SH3BP4: variants seen among roughly 807,000 people sequenced by gnomAD.
The protein encoded by SH3BP4 is SH3 domain-binding protein 4.
A neutral mutation model predicts 65.5 loss-of-function variants in SH3BP4; 33 were observed. That is an observed-to-expected ratio of 0.50 (90% CI 0.38 to 0.67). The LOEUF (loss-of-function observed/expected upper bound fraction) is 0.67, where lower values mean the gene tolerates loss of function less well. Ranked by LOEUF, SH3BP4 falls within the 30% of genes least tolerant of loss-of-function variation. The probability of loss-of-function intolerance (pLI) is 0.00; values close to 1 mark genes in which losing one functional copy is unlikely to be tolerated. For missense variants in SH3BP4, 1,134 were observed against 1,261.4 expected, an observed-to-expected ratio of 0.90 and a Z score of 1.53; for synonymous variants, 552 against 545.5, an observed-to-expected ratio of 1.01 and a Z score of -0.17.
rs1460272465 is a variant in SH3BP4 at position 235,043,226 on chromosome 2, C to T, written c.2457C>T (p.Ser819=). 1 of 1,578,566 alleles carries T rather than the reference C, an allele frequency of 6.3e-7. No individual in the cohort carries two copies. The highest frequency in any genetic ancestry group is 1.3e-5 in the African/African-American group (1 of 74,158). Residue 819 remains serine, a synonymous_variant, in exon 4 of 6, where the codon TCC becomes TCT. Coordinates refer to ENST00000392011, the MANE Select transcript of SH3BP4 (RefSeq NM_014521.3). ...ACACTGAGAACAAAGAACGGAAGTC[C>T]TTCCAGAAGGAGCTTGTGATGGTGA... ...CNNTENKERK[S]FQKELVMALL...
At position 235,030,369 on chromosome 2, in the gene SH3BP4, A is replaced by T. The variant is rs139137536; in HGVS notation, c.-132-4502A>T. Among the ~76,000 whole-genome samples the T allele has an allele frequency of 6.6e-6, 1 of 152,212 alleles. No individual in the cohort carries two copies. Among genetic ancestry groups the T allele is most frequent in the African/African-American group, 2.4e-5 (1 of 41,536 alleles). ...TTACCCTGGGCAAGTTGCTTTAGTG[A>T]TCTCTCCAAGCCCGTTTTCATGGAA... On this transcript the variant is annotated intron_variant, in intron 2 of 5. Transcript: ENST00000392011. The surrounding 1 kb of genome is among the most constrained non-coding windows in gnomAD (Gnocchi z 4.1).
At chr2:235,019,060 A>AGTTCC (rs1430595503) in intron 2 of SH3BP4, among the ~76,000 whole-genome samples, 1 of 152,228 alleles carries the variant, frequency 6.6e-6, no homozygotes, top group Non-Finnish European at 1.5e-5. Flanking sequence ...GGGCAGGAAC[A>AGTTCC]GTTCCGTTGT....
intron 3 of SH3BP4, among the ~76,000 whole-genome samples, chr2:235,038,027 C>T (rs953935138): frequency 9.3e-5 from 14 of 151,126 alleles, no homozygotes; most frequent in African/African-American, 3.4e-4. Flanking sequence ...ATCATTCATT[C>T]CACAAATACT....
rs184662417 is a variant in SH3BP4, at chr2:235,009,428, G to A, written c.-133+14052G>A. ...TAAAGGAGAGTTTGGGAGAGGGGCC[G>A]TGGTGTGGTGTGCCTGGGACCCTGG... On this transcript the variant is annotated intron_variant, in intron 2 of 5. Transcript: ENST00000392011. Among the ~76,000 whole-genome samples, 29 of 152,330 alleles carry A rather than the reference G, an allele frequency of 1.9e-4. 1 individual carries two copies. Among genetic ancestry groups the A allele is most frequent in the African/African-American group, 5.1e-4 (21 of 41,574 alleles).
At chr2:235,031,925 T>G (rs1695216155) in intron 2 of SH3BP4, among the ~76,000 whole-genome samples, 1 of 152,264 alleles carries the variant, frequency 6.6e-6, no homozygotes, top group Non-Finnish European at 1.5e-5. Flanking sequence ...TGGAAGCTTT[T>G]GGGAATGCCT....
At chr2:234,984,736 A>G (rs73124245) in intron 1 of SH3BP4, among the ~76,000 whole-genome samples, 1,756 of 152,202 alleles carry the variant, frequency 0.012, 41 homozygotes, top group African/African-American at 0.037. Flanking sequence ...CAGAAAACCC[A>G]GTGGTCTAGC....
At chr2:235,023,088 C>G (rs1694893932) in intron 2 of SH3BP4, among the ~76,000 whole-genome samples, 1 of 152,148 alleles carries the variant, frequency 6.6e-6, no homozygotes, top group South Asian at 2.1e-4. Context: ...AGTTGGGAAT[C>G]CTGGAGTTAG....
At chr2:234,979,650 C>T (rs1693297677) in intron 1 of SH3BP4, 1 of 152,274 alleles carries the variant, frequency 6.6e-6, no homozygotes. Context: ...GAACTTCTTC[C>T]TTGACAACAG....
intron 4 of SH3BP4, among the ~76,000 whole-genome samples, chr2:235,048,204 A>G (rs930830465): frequency 1.3e-5 from 2 of 152,184 alleles, no homozygotes; most frequent in African/African-American, 4.8e-5. Context: ...GGATGGGCCC[A>G]TTGTCCAGAT....
At position 235,035,348 on chromosome 2, in the gene SH3BP4, T is replaced by G. The variant is rs1181511084; in HGVS notation, c.118+228T>G. Among the ~76,000 whole-genome samples, 2 of 152,222 alleles carry G rather than the reference T, an allele frequency of 1.3e-5. No homozygotes were observed. Among genetic ancestry groups the G allele is most frequent in the Non-Finnish European group, 2.9e-5 (2 of 68,040 alleles). On this transcript the variant is annotated intron_variant, in intron 3 of 5. Coordinates refer to ENST00000392011, the MANE Select transcript of SH3BP4 (RefSeq NM_014521.3). This position sits in a 1 kb window ranked among gnomAD's most constrained non-coding sequence, Gnocchi z 5.0. ...AACCCCTTCTTAATACAGGGTATGT[T>G]TCTTTTTACTTGATAAAATTCGGTG...
At chr2:234,953,489 G>A (rs1242259636) in intron 1 of SH3BP4, among the ~76,000 whole-genome samples, 1 of 152,160 alleles carries the variant, frequency 6.6e-6, no homozygotes, top group East Asian at 1.9e-4. Context: ...AGTGGGCTGG[G>A]GGCTTTCCTT....
chr2:235,008,798 G>GAAGATCTCCA, intron 2 of SH3BP4, among the ~76,000 whole-genome samples: 1 of 152,352 alleles, frequency 6.6e-6, no homozygotes, highest in African/African-American at 2.4e-5. Flanking sequence ...GCTTGTAGCA[G>GAAGATCTCCA]AGGCCCTACT....
intron 1 of SH3BP4, among the ~76,000 whole-genome samples, chr2:234,992,783 AT>A (rs1693790302): frequency 6.9e-6 from 1 of 143,934 alleles, no homozygotes; most frequent in African/African-American, 2.7e-5. Context: ...GCACCTGGAG[AT>A]GGACACATTC....
chr2:234,955,772 C>G (rs1025264438), intron 1 of SH3BP4, among the ~76,000 whole-genome samples: 1 of 152,134 alleles, frequency 6.6e-6, no homozygotes, highest in Non-Finnish European at 1.5e-5. Flanking sequence ...AAATAGGTAC[C>G]ACTCGTTGAG....
At chr2:234,957,635 A>G (rs1405112095) in intron 1 of SH3BP4, among the ~76,000 whole-genome samples, 7 of 151,710 alleles carry the variant, frequency 4.6e-5, no homozygotes, top group Admixed American at 3.3e-4. Context: ...AAAAACAACA[A>G]TCCATGTTCC....
At chr2:234,979,513 C>G (rs1693287216) in intron 1 of SH3BP4, 1 of 152,266 alleles carries the variant, frequency 6.6e-6, no homozygotes, top group African/African-American at 2.4e-5. Context: ...TCCACACCTC[C>G]TGGTGTTCAC....
In SH3BP4 at chr2:235,035,207, T is replaced by C. The variant is rs1574838177; in HGVS notation, c.118+87T>C. 7.3e-6 allele frequency: 7 copies of C among 956,988 alleles called. No individual in the cohort carries two copies. The highest frequency in any genetic ancestry group is 2.1e-4 in the Middle Eastern group (1 of 4,814). The allele number at this position is 956,988 out of a possible 1,614,324, so 59.3% of individuals were successfully genotyped here. Reference sequence around the variant, plus strand: ...CCAAGAACTTTTCTGCTTTAAAGATTGCCAGTTTAGCATTCAGATAGTTAA... The same window carrying C: ...CCAAGAACTTTTCTGCTTTAAAGATCGCCAGTTTAGCATTCAGATAGTTAA... On this transcript the variant is annotated intron_variant, in intron 3 of 5. Transcript: ENST00000392011. This position sits in a 1 kb window ranked among gnomAD's most constrained non-coding sequence, Gnocchi z 5.0.
Position 235,038,390 on chromosome 2 carries a change from T to TA in SH3BP4, c.119-2497dup, listed in dbSNP as rs1376567388. On this transcript the variant is annotated intron_variant, in intron 3 of 5. Coordinates refer to ENST00000392011, the MANE Select transcript of SH3BP4 (RefSeq NM_014521.3). The stretch of plus-strand genomic sequence containing the variant: ...TAATATATATACATATATATATATA[T>TA]ATATATATATATATATATATATATA... Among the ~76,000 whole-genome samples the TA allele has an allele frequency of 7.1e-3, 115 of 16,260 alleles. 22 individuals are homozygous for TA. Among genetic ancestry groups the TA allele is most frequent in the African/African-American group, 8.2e-3 (18 of 2,192 alleles). The allele number at this position is 16,260 out of a possible 152,430, so 10.7% of individuals were successfully genotyped here. A position where few individuals can be genotyped will look rare whatever the true frequency, so the allele number is the denominator to read the frequency against.
chr2:234,986,812 T>TTA (rs1559233181), intron 1 of SH3BP4, among the ~76,000 whole-genome samples: 1 of 150,664 alleles, frequency 6.6e-6, no homozygotes, highest in African/African-American at 2.5e-5. Flanking sequence ...TGATTTTATT[T>TTA]TTTTTTTTTT....
Sources: gnomAD v4.1 joint callset for allele counts (sites outside exome capture counted in the v4.1 genomes callset) on GRCh38, gnomAD v4.1.1 for gene constraint, Gnocchi (gnomAD v3.1) non-coding constraint, MANE v1.5 for transcripts, NCBI Gene and HGNC (gene_info 2026-07-23, HGNC 2026-07-21) for gene names.